CDKN2A: variants seen among roughly 807,000 people sequenced by gnomAD.
The protein encoded by CDKN2A is cyclin dependent kinase inhibitor 2A.
CDKN2A carries 3 observed loss-of-function variants against 11.1 expected under a neutral mutation model. The observed-to-expected ratio is 0.27, with a 90% CI of 0.12 to 0.70. The LOEUF (loss-of-function observed/expected upper bound fraction) is 0.70. Ranked by LOEUF, CDKN2A falls within the 30% of genes least tolerant of loss-of-function variation. The pLI, the probability that CDKN2A is intolerant of heterozygous loss-of-function variation, is 0.77. For synonymous variants in CDKN2A, 122 were observed against 108.1 expected (o/e 1.13, Z -0.80); for missense variants, 265 against 233.6 (o/e 1.13, Z -0.88).
At chr9:21,979,013 A>T (rs1176745044), upstream of CDKN2A, among the ~76,000 whole-genome samples, 1 of 152,246 alleles carries the variant, frequency 6.6e-6, no homozygotes, top group Non-Finnish European at 1.5e-5. Context: ...GCACAGAATG[A>T]TACAAGAAAA....
chr9:21,992,090 C>T (rs1216083558), intron 2 of CDKN2A: 1 of 861,650 alleles, frequency 1.2e-6, no homozygotes, highest in Non-Finnish European at 1.4e-6. Context: ...TATGTATTTC[C>T]AATCATATAA....
At chr9:21,978,730 C>G (rs1206588874), upstream of CDKN2A, among the ~76,000 whole-genome samples, 1 of 152,150 alleles carries the variant, frequency 6.6e-6, no homozygotes, top group East Asian at 1.9e-4. Context: ...AAGACTACCA[C>G]CTGTTCATTC....
chr9:21,981,008 ATATATATATATACGTG>A (rs1820169670), intron 2 of CDKN2A, among the ~76,000 whole-genome samples: 1 of 23,642 alleles, frequency 4.2e-5, no homozygotes, highest in Non-Finnish European at 7.2e-5. Context: ...ATATACGTGT[ATATATATATATACGTG>A]TATATATATA....
chr9:21,972,813 A>T (rs1300904419), intron 1 of CDKN2A, among the ~76,000 whole-genome samples: 4 of 152,206 alleles, frequency 2.6e-5, no homozygotes, highest in Non-Finnish European at 5.9e-5. Flanking sequence ...TGAGTGCTGC[A>T]TGGTGGAAGT....
At chr9:21,972,845 C>T (rs951958185) in intron 1 of CDKN2A, among the ~76,000 whole-genome samples, 2 of 152,116 alleles carry the variant, frequency 1.3e-5, no homozygotes, top group Non-Finnish European at 2.9e-5. Context: ...TTTAGGATAA[C>T]TGTTATTTGT....
In CDKN2A at chr9:21,994,123, C is replaced by T. The variant is rs752309957; in HGVS notation, c.-175-70G>A. 9 of 1,599,186 alleles carry T rather than the reference C, an allele frequency of 5.6e-6. No homozygotes were observed. In the African/African-American group the frequency reaches 1.1e-4, roughly 19 times the overall value. On this transcript the variant is annotated intron_variant, in intron 1 of 3. Coordinates refer to the CDKN2A transcript ENST00000494262. ...AGTGCCGAATGCGCCCCGGACTTTT[C>T]GAGGGCCTTTCCTACCTGGTCTTCT...
chr9:21,987,428 CACACAGAGAGAGAGAG>C (rs1426119631), intron 2 of CDKN2A, among the ~76,000 whole-genome samples: 4 of 121,242 alleles, frequency 3.3e-5, no homozygotes, highest in African/African-American at 9.4e-5. Flanking sequence ...CACACACACA[CACACAGAGAGAGAGAG>C]AGAGAGAGAG....
upstream of CDKN2A, chr9:21,974,911 G>A: frequency 7.0e-7 from 1 of 1,438,612 alleles, no homozygotes; most frequent in African/African-American, 1.5e-5. The surrounding 1 kb of genome is among the most constrained non-coding windows in gnomAD (Gnocchi z 5.2). Context: ...CTGGTGACCA[G>A]CCAGCCCCTC....
intron 2 of CDKN2A, among the ~76,000 whole-genome samples, chr9:21,980,616 A>C (rs1820148461): frequency 6.6e-6 from 1 of 152,168 alleles, no homozygotes; most frequent in Admixed American, 6.5e-5. Flanking sequence ...ATATTAATTA[A>C]GAAAGAAGGT....
rs372058542 is a variant in CDKN2A, at chr9:21,974,523, G to A, written c.150+155C>T. The A allele has an allele frequency of 1.1e-5, 17 of 1,613,108 alleles. No homozygotes were observed. In the African/African-American group the frequency reaches 2.3e-4, roughly 22 times the overall value. Reference sequence around the variant, plus strand: ...CCAAGCCCCCAGGGCGTCGCCAGGAGGAGGTCTGTGATTACAAACCCCTTC... The same window carrying A: ...CCAAGCCCCCAGGGCGTCGCCAGGAAGAGGTCTGTGATTACAAACCCCTTC... On this transcript the variant is annotated intron_variant, in intron 1 of 2. Transcript: ENST00000304494. The surrounding 1 kb of genome is among the most constrained non-coding windows in gnomAD (Gnocchi z 5.2).
intron 2 of CDKN2A, chr9:21,969,466 C>G (rs147639460): frequency 5.9e-6 from 2 of 336,150 alleles, no homozygotes; most frequent in Admixed American, 9.7e-5. Flanking sequence ...CAGGGCTGAT[C>G]ACGCAGTAGA....
At chr9:21,971,311 C>G in intron 1 of CDKN2A, 103 bp from the exon 2 acceptor site, 1 of 1,530,254 alleles carries the variant, frequency 6.5e-7, no homozygotes, top group South Asian at 1.2e-5. Flanking sequence ...CCCACACAAG[C>G]CCCAGGTGTC....
chr9:21,984,911 C>T lies in CDKN2A; in HGVS notation c.-4+8971G>A, dbSNP rs770285947. ...TAGGAGAGTTCTGAAGCCAATCTCC[C>T]CTCTGATATTATTAAAGATTGCAAG... On this transcript the variant is annotated intron_variant, in intron 2 of 3. Transcript: ENST00000494262. Among the ~76,000 whole-genome samples the T allele has an allele frequency of 1.6e-3, 250 of 152,000 alleles. 4 individuals are homozygous for T. Among genetic ancestry groups the T allele is most frequent in the Non-Finnish European group, 3.8e-4 (26 of 67,838 alleles).
chr9:21,983,555 T>C (rs1390312650), intron 2 of CDKN2A, among the ~76,000 whole-genome samples: 2 of 152,062 alleles, frequency 1.3e-5, no homozygotes, highest in African/African-American at 2.4e-5. Context: ...AAAATAGTAT[T>C]GCAGTTTTTC....
chr9:21,973,723 G>A (rs781336362), intron 1 of CDKN2A, among the ~76,000 whole-genome samples: 4 of 152,174 alleles, frequency 2.6e-5, no homozygotes, highest in Non-Finnish European at 5.9e-5. Flanking sequence ...GAGCAAAAAT[G>A]TTAGCAGATA....
At chr9:21,975,211 T>A (rs148923159), upstream of CDKN2A, 1,345 of 1,063,450 alleles carry the variant, frequency 1.3e-3, 10 homozygotes, top group African/African-American at 0.017. Context: ...GCCTCCCTGC[T>A]CCCAGCCGCG....
chr9:21,994,687 C>A, intron 1 of CDKN2A: 1 of 268,176 alleles, frequency 3.7e-6, no homozygotes, highest in Non-Finnish European at 7.0e-6. Flanking sequence ...GCCCTGTGTG[C>A]GCCCCCACCC....
chr9:21,985,000 C>T (rs1456080911), intron 2 of CDKN2A, among the ~76,000 whole-genome samples: 1 of 151,950 alleles, frequency 6.6e-6, no homozygotes, highest in African/African-American at 2.4e-5. Flanking sequence ...TGTGATTCAA[C>T]TCCACTCAAG....
chr9:21,987,964 A>T (rs1820340296), intron 2 of CDKN2A, among the ~76,000 whole-genome samples: 1 of 152,216 alleles, frequency 6.6e-6, no homozygotes, highest in African/African-American at 2.4e-5. Flanking sequence ...GAACCCCAGA[A>T]ATATGTATTT....
Sources: allele counts gnomAD v4.1 joint callset (sites outside exome capture counted in the v4.1 genomes callset), GRCh38; gene constraint gnomAD v4.1.1; non-coding constraint Gnocchi (gnomAD v3.1); transcripts MANE v1.5; gene names NCBI Gene and HGNC (gene_info 2026-07-23, HGNC 2026-07-21).